NHSL1: variants seen among roughly 807,000 people sequenced by gnomAD.
NHSL1 encodes the protein NHS like 1.
Under a neutral mutation model 95.0 loss-of-function variants are expected in NHSL1, and 48 were observed. The observed-to-expected ratio is 0.51, with a 90% CI of 0.40 to 0.64. The LOEUF (loss-of-function observed/expected upper bound fraction) is 0.64, where lower values mean the gene tolerates loss of function less well. Among genes scored for constraint, NHSL1 ranks in the 30% least tolerant of loss-of-function variants. NHSL1 has a pLI of 0.00. For synonymous variants in NHSL1, 783 were observed against 833.9 expected, an observed-to-expected ratio of 0.94 and a Z score of 1.05; for missense variants, 1,971 against 2,077.7, an observed-to-expected ratio of 0.95 and a Z score of 1.00.
At chr6:138,477,504 G>A (rs774524021) in intron 2 of NHSL1, among the ~76,000 whole-genome samples, 10 of 152,202 alleles carry the variant, frequency 6.6e-5, no homozygotes, top group Non-Finnish European at 1.5e-4. Context: ...TCAGGAGGCT[G>A]AGGCAGGGGC....
chr6:138,571,747 A>T lies in NHSL1; in HGVS notation c.165T>A (p.Asp55Glu), dbSNP rs1783846968. 6.4e-6 allele frequency: 10 copies of T among 1,552,266 alleles called. No individual in the cohort carries two copies. The East Asian group carries it at 2.4e-4, about 38-fold the overall frequency. The change falls in exon 1 of 7, where the codon GAT becomes GAA. Residue 55 changes from aspartate (D) to glutamate (E), a missense_variant. Physicochemically the swap from Asp to Glu is conservative, Grantham distance 45. Coordinates refer to the NHSL1 transcript ENST00000427025. ...GGGCTCTGTATATCCAGTTTTCGTC[A>T]TCCACTTCCACCTGCTGCCCACAAA...
At chr6:138,496,465 G>A (rs896523738) in intron 1 of NHSL1, 94 bp from the exon 2 acceptor site, 22 of 1,279,316 alleles carry the variant, frequency 1.7e-5, no homozygotes, top group African/African-American at 3.0e-5. Context: ...ACACATCCAC[G>A]GGTAAGGGCC....
chr6:138,566,988 T>G (rs768909224), intron 1 of NHSL1, among the ~76,000 whole-genome samples: 2 of 152,178 alleles, frequency 1.3e-5, no homozygotes, highest in African/African-American at 4.8e-5. Flanking sequence ...TCAGAATAAA[T>G]AAAACTTACT....
intron 1 of NHSL1, among the ~76,000 whole-genome samples, chr6:138,612,555 T>C (rs1386820154): frequency 6.6e-6 from 1 of 152,182 alleles, no homozygotes; most frequent in Non-Finnish European, 1.5e-5. Flanking sequence ...TATAAATGCA[T>C]AGAAAGTCTT....
intron 1 of NHSL1, among the ~76,000 whole-genome samples, chr6:138,540,048 C>T (rs1256986829): frequency 6.6e-6 from 1 of 152,176 alleles, no homozygotes; most frequent in Non-Finnish European, 1.5e-5. Context: ...CTTTCCCCAC[C>T]AGTTTGAAAA....
intron 1 of NHSL1, chr6:138,571,486 G>T: frequency 1.9e-6 from 1 of 528,940 alleles, no homozygotes; most frequent in Non-Finnish European, 3.3e-6. Flanking sequence ...ACAAATAACA[G>T]CTACTTTATC....
chr6:138,437,438 ACACAC>A lies in NHSL1; in HGVS notation c.665-3763_665-3759del, dbSNP rs1249114117. ...TACACACACACACACACACACACAC[ACACAC>A]ACAAAAAAAAAAAAAAAAAATACAA... On this transcript the variant is annotated intron_variant, in intron 5 of 7. Coordinates refer to ENST00000343505, the MANE Select transcript of NHSL1 (RefSeq NM_001144060.2). Among the ~76,000 whole-genome samples, 105 of 38,942 alleles carry A rather than the reference ACACAC, an allele frequency of 2.7e-3. 12 individuals carry two copies. The highest frequency in any genetic ancestry group is 7.7e-3 in the Middle Eastern group (1 of 130). The allele number at this position is 38,942 out of a possible 152,430, so 25.5% of individuals were successfully genotyped here.
intron 3 of NHSL1, among the ~76,000 whole-genome samples, chr6:138,449,601 C>T (rs1003335887): frequency 1.3e-5 from 2 of 151,660 alleles, no homozygotes; most frequent in Admixed American, 6.6e-5. Context: ...CGCTTGAACT[C>T]GGGAGGCTGA....
chr6:138,478,945 G>A (rs1038642898), intron 2 of NHSL1, among the ~76,000 whole-genome samples: 9 of 152,262 alleles, frequency 5.9e-5, no homozygotes, highest in African/African-American at 1.9e-4. Flanking sequence ...ATGTCATAGC[G>A]CTAGATGGTC....
intron 1 of NHSL1, among the ~76,000 whole-genome samples, chr6:138,679,423 T>C (rs1036306666): frequency 5.9e-5 from 9 of 152,252 alleles, no homozygotes; most frequent in Non-Finnish European, 1.2e-4. Context: ...GCTATGATGA[T>C]ACACAGAACT....
intron 3 of NHSL1, among the ~76,000 whole-genome samples, chr6:138,471,366 T>G (rs990317738): frequency 6.6e-6 from 1 of 152,222 alleles, no homozygotes; most frequent in African/African-American, 2.4e-5. Flanking sequence ...AAAGTGTATC[T>G]GAATAAACAG....
intron 1 of NHSL1, among the ~76,000 whole-genome samples, chr6:138,533,320 T>C (rs1486685744): frequency 6.6e-6 from 1 of 152,148 alleles, no homozygotes; most frequent in East Asian, 1.9e-4. Context: ...TCCCAGCACT[T>C]TGGGAGGCCG....
intron 1 of NHSL1, among the ~76,000 whole-genome samples, chr6:138,592,942 A>T (rs1027743177): frequency 3.3e-5 from 5 of 152,214 alleles, no homozygotes; most frequent in Admixed American, 6.5e-5. Flanking sequence ...ACAGCCTTAT[A>T]AATCAGTTTA....
intron 4 of NHSL1, among the ~76,000 whole-genome samples, chr6:138,446,155 A>G (rs1360829482): frequency 1.3e-5 from 2 of 151,308 alleles, no homozygotes; most frequent in Non-Finnish European, 2.9e-5. Flanking sequence ...CTCCTGCCTC[A>G]GACTCCAGAG....
intron 1 of NHSL1, among the ~76,000 whole-genome samples, chr6:138,686,388 G>C (rs1248137103): frequency 6.6e-6 from 1 of 152,116 alleles, no homozygotes; most frequent in East Asian, 1.9e-4. Context: ...TGGCATGGTG[G>C]CATGTGCCTA....
intron 1 of NHSL1, among the ~76,000 whole-genome samples, chr6:138,625,449 A>G (rs936773728): frequency 2.9e-4 from 44 of 152,202 alleles, no homozygotes; most frequent in African/African-American, 1.0e-3. Flanking sequence ...ACAGCTGGAC[A>G]TTGCTTTTCC....
At chr6:138,442,709 T>G (rs1776608567) in intron 4 of NHSL1, among the ~76,000 whole-genome samples, 2 of 152,218 alleles carry the variant, frequency 1.3e-5, no homozygotes, top group African/African-American at 2.4e-5. Flanking sequence ...TTTACCACAA[T>G]GAGACCCAGT....
intron 1 of NHSL1, among the ~76,000 whole-genome samples, chr6:138,682,094 G>A (rs1785520386): frequency 6.6e-6 from 1 of 151,216 alleles, no homozygotes; most frequent in Admixed American, 6.6e-5. Context: ...CAATACTCCT[G>A]CCTCAACCTC....
chr6:138,676,476 A>G (rs1034149289), intron 1 of NHSL1, among the ~76,000 whole-genome samples: 3 of 152,226 alleles, frequency 2.0e-5, no homozygotes, highest in African/African-American at 4.8e-5. Context: ...ATTGTTTATT[A>G]TAGAACAGGC....
Sources: allele counts gnomAD v4.1 joint callset (sites outside exome capture counted in the v4.1 genomes callset), GRCh38; gene constraint gnomAD v4.1.1; transcripts MANE v1.5; gene names NCBI Gene and HGNC (gene_info 2026-07-23, HGNC 2026-07-21).